The following DGLUCY variants were observed in gnomAD, a reference collection of about 807,000 sequenced individuals.
The protein encoded by DGLUCY is D-glutamate cyclase, mitochondrial.
A neutral mutation model predicts 58.5 loss-of-function variants in DGLUCY; 58 were observed. The ratio of observed to expected loss-of-function variants is 0.99; its 90% CI spans 0.80 to 1.23. DGLUCY has a LOEUF of 1.23. Among genes scored for constraint, DGLUCY ranks in the 50% most tolerant of loss-of-function variants. DGLUCY has a pLI of 0.00. For synonymous variants in DGLUCY, 325 were observed against 314.1 expected, an observed-to-expected ratio of 1.03 and a Z score of -0.37; for missense variants, 779 against 784.7, an observed-to-expected ratio of 0.99 and a Z score of 0.09.
At chr14:91,099,834 T>A (rs1438789855) in intron 1 of DGLUCY, among the ~76,000 whole-genome samples, 2 of 152,146 alleles carry the variant, frequency 1.3e-5, no homozygotes, top group Non-Finnish European at 2.9e-5. Context: ...TTGCTACCCC[T>A]CCCTAGGTCT....
chr14:91,151,179 G>A (rs1427085217), intron 1 of DGLUCY, among the ~76,000 whole-genome samples: 1 of 152,210 alleles, frequency 6.6e-6, no homozygotes, highest in African/African-American at 2.4e-5. Context: ...ATATTCTACT[G>A]TATGTATATA....
chr14:91,188,845 AC>A, intron 8 of DGLUCY, 64 bp from the exon 9 acceptor site: 16 of 1,478,606 alleles, frequency 1.1e-5, no homozygotes, highest in Non-Finnish European at 1.5e-5. Flanking sequence ...ATAAATACAT[AC>A]ATACATACAT....
chr14:91,100,351 G>A (rs1345378684), intron 1 of DGLUCY, among the ~76,000 whole-genome samples: 1 of 152,162 alleles, frequency 6.6e-6, no homozygotes, highest in African/African-American at 2.4e-5. Context: ...ACCTCCTCAC[G>A]ACTTTTGAGG....
chr14:91,170,236 T>A (rs1258434209), intron 5 of DGLUCY, 35 bp downstream of exon 5: 37 of 1,596,776 alleles, frequency 2.3e-5, no homozygotes, highest in Non-Finnish European at 3.1e-5. Flanking sequence ...AAGGGCAGAA[T>A]GGCCTGAAGA....
chr14:91,086,849 G>T (rs1053090770), intron 1 of DGLUCY, among the ~76,000 whole-genome samples: 2 of 152,120 alleles, frequency 1.3e-5, no homozygotes, highest in African/African-American at 4.8e-5. Context: ...CACCTCCGAG[G>T]CTTAAGCCAT....
At chr14:91,089,427 C>A (rs2044273176) in intron 1 of DGLUCY, among the ~76,000 whole-genome samples, 1 of 152,202 alleles carries the variant, frequency 6.6e-6, no homozygotes, top group Admixed American at 6.5e-5. Context: ...GGCAATAAAA[C>A]CCTCTCTTGG....
intron 1 of DGLUCY, among the ~76,000 whole-genome samples, chr14:91,084,586 G>C (rs1448819342): frequency 6.6e-6 from 1 of 152,094 alleles, no homozygotes; most frequent in Non-Finnish European, 1.5e-5. Flanking sequence ...AATTACAGTG[G>C]TGGTAACTGC....
At chr14:91,198,126 T>A (rs2050329746) in intron 10 of DGLUCY, among the ~76,000 whole-genome samples, 1 of 152,228 alleles carries the variant, frequency 6.6e-6, no homozygotes, top group African/African-American at 2.4e-5. Flanking sequence ...CACTGCAGCC[T>A]CTGCCTCCCG....
intron 1 of DGLUCY, among the ~76,000 whole-genome samples, chr14:91,135,879 C>T (rs1432208735): frequency 6.7e-6 from 1 of 149,710 alleles, no homozygotes; most frequent in African/African-American, 2.5e-5. Flanking sequence ...AATAGTAAAC[C>T]AATCTTGGAT....
chr14:91,215,892 G>A (rs1886448384), intron 13 of DGLUCY: 2 of 563,346 alleles, frequency 3.6e-6, no homozygotes, highest in Non-Finnish European at 5.4e-6. Context: ...CCCATGGTGG[G>A]TACTTCATAC....
intron 3 of DGLUCY, chr14:91,165,147 T>A: frequency 2.3e-6 from 1 of 425,556 alleles, no homozygotes; most frequent in Non-Finnish European, 4.7e-6. Context: ...ACACATTGTT[T>A]CATTACCTAG....
intron 1 of DGLUCY, among the ~76,000 whole-genome samples, chr14:91,081,333 C>CACAT (rs1368613268): frequency 2.6e-5 from 4 of 152,160 alleles, no homozygotes; most frequent in Admixed American, 1.3e-4. Context: ...AAACAGGAGG[C>CACAT]ACATCCCACA....
intron 12 of DGLUCY, among the ~76,000 whole-genome samples, chr14:91,214,958 G>T (rs994503339): frequency 6.6e-6 from 1 of 152,110 alleles, no homozygotes; most frequent in Non-Finnish European, 1.5e-5. Context: ...AGACCAACCT[G>T]GCCAATATGG....
chr14:91,166,478 A>T (rs1012374584), intron 3 of DGLUCY, among the ~76,000 whole-genome samples: 1 of 152,116 alleles, frequency 6.6e-6, no homozygotes, highest in African/African-American at 2.4e-5. Flanking sequence ...CAACCTGGCC[A>T]CCATAGTGAA....
chr14:91,173,810 A>G (rs940465345), intron 6 of DGLUCY: 4 of 163,016 alleles, frequency 2.5e-5, no homozygotes, highest in African/African-American at 9.6e-5. Context: ...TATATATCAC[A>G]TCCTTTTGGG....
In DGLUCY at chr14:91,217,828, C is replaced by G. The variant is rs146249005; in HGVS notation, c.1716+2272C>G. Among the ~76,000 whole-genome samples, 322 of 152,260 alleles carry G rather than the reference C, an allele frequency of 2.1e-3. 2 individuals carry two copies. The highest frequency in any genetic ancestry group is 7.5e-3 in the African/African-American group (313 of 41,534). ...TTTCCTGTTTTCTTACACCCTGTCTCTTCCCTTTTTCCTTCTGTCTGTCTC... is the reference window on the plus strand; with the variant it reads ...TTTCCTGTTTTCTTACACCCTGTCTGTTCCCTTTTTCCTTCTGTCTGTCTC... On this transcript the variant is annotated intron_variant, in intron 13 of 13. Transcript: ENST00000256324.
chr14:91,085,821 A>G (rs1287779526), intron 1 of DGLUCY, among the ~76,000 whole-genome samples: 4 of 152,048 alleles, frequency 2.6e-5, no homozygotes, highest in African/African-American at 7.2e-5. Flanking sequence ...CACCTGCCTT[A>G]GCCTCCCAAA....
intron 1 of DGLUCY, among the ~76,000 whole-genome samples, chr14:91,120,290 C>T (rs150905553): frequency 3.3e-5 from 5 of 152,260 alleles, no homozygotes; most frequent in South Asian, 2.1e-4. Context: ...CTCACAGGCT[C>T]CTCCTACTTA....
chr14:91,217,281 G>A (rs117129710), intron 13 of DGLUCY, among the ~76,000 whole-genome samples: 1 of 152,252 alleles, frequency 6.6e-6, no homozygotes, highest in East Asian at 1.9e-4. Flanking sequence ...ATTAGAGGTG[G>A]GTGCCGAAGG....
Sources: gnomAD v4.1 joint callset for allele counts (sites outside exome capture counted in the v4.1 genomes callset) on GRCh38, gnomAD v4.1.1 for gene constraint, MANE v1.5 for transcripts, NCBI Gene and HGNC (gene_info 2026-07-23, HGNC 2026-07-21) for gene names.